Variants in POF1B observed in about 807,000 individuals in gnomAD.
POF1B encodes protein POF1B.
A neutral mutation model predicts 55.3 loss-of-function variants in POF1B; 53 were observed. That is an observed-to-expected ratio of 0.96 (90% CI 0.77 to 1.20). The LOEUF (loss-of-function observed/expected upper bound fraction) is 1.20. Among genes scored for constraint, POF1B ranks in the 50% most tolerant of loss-of-function variants. POF1B has a pLI of 0.00. For missense variants in POF1B, 478 were observed against 420.5 expected (o/e 1.14, Z -1.20); for synonymous variants, 188 against 148.3 (o/e 1.27, Z -1.95).
At chrX:85,315,903 T>C (rs778486360) in intron 7 of POF1B, among the ~76,000 whole-genome samples, 169 bp from the exon 8 acceptor site, 8 of 111,433 alleles carry the variant, frequency 7.2e-5, no homozygotes, top group Non-Finnish European at 9.5e-5. Flanking sequence ...TTTTACTTAG[T>C]TTGACTAAAT....
intron 7 of POF1B, 55 bp downstream of exon 7, chrX:85,330,894 T>C (rs763382879): frequency 9.3e-7 from 1 of 1,070,944 alleles, no homozygotes; most frequent in South Asian, 2.8e-5. Flanking sequence ...AGTACTAGAA[T>C]GTTGTAAAAT....
At position 85,351,893 on chromosome X, in the gene POF1B, A is replaced by G. The variant is rs140956134; in HGVS notation, c.439-442T>C. Reference sequence around the variant, plus strand: ...AGCACGACTAGGCCACAAAGTAGGTAGAACTATATTAAAGATTTTTTTTTT... The same window carrying G: ...AGCACGACTAGGCCACAAAGTAGGTGGAACTATATTAAAGATTTTTTTTTT... On this transcript the variant is annotated intron_variant, in intron 4 of 16. Coordinates refer to ENST00000262753, the MANE Select transcript of POF1B (RefSeq NM_024921.4). Among the ~76,000 whole-genome samples, 698 of 106,776 alleles carry G rather than the reference A, an allele frequency of 6.5e-3. 2 individuals carry two copies. Among genetic ancestry groups the G allele is most frequent in the Middle Eastern group, 0.019 (4 of 211 alleles). The allele number at this position is 106,776 out of a possible 115,157, so 92.7% of individuals were successfully genotyped here.
intron 6 of POF1B, among the ~76,000 whole-genome samples, chrX:85,338,850 G>A (rs1374135486): frequency 9.0e-6 from 1 of 111,600 alleles, no homozygotes; most frequent in Non-Finnish European, 1.9e-5. Context: ...TGATAGATGA[G>A]AGAAAGTGAA....
At chrX:85,361,247 A>G (rs968320064) in intron 3 of POF1B, among the ~76,000 whole-genome samples, 8 of 111,297 alleles carry the variant, frequency 7.2e-5, no homozygotes, top group South Asian at 7.5e-4. Context: ...TTATTTGTCA[A>G]TTTTGCTTTT....
chrX:85,330,982 C>G lies in POF1B; in HGVS notation c.821G>C (p.Cys274Ser). 8.3e-7 allele frequency: 1 copy of G among 1,199,439 alleles called. No individual in the cohort carries two copies. Among genetic ancestry groups the G allele is most frequent in the Non-Finnish European group, 1.1e-6 (1 of 889,552 alleles). The change falls in exon 7 of 17, where the codon TGC becomes TCC. Residue 274 changes from cysteine (C) to serine (S), a missense_variant. By Grantham distance (112) the Cys-to-Ser change is moderately radical (BLOSUM62 -1). Transcript: ENST00000262753. ...AATTCTCTGCAAATGTTCTAATAAG[C>G]AGTGATATAGATCCGTATTCTTACG... ...LSRKNTDLYH[C>S]LLEHLQRIGG...
intron 5 of POF1B, among the ~76,000 whole-genome samples, chrX:85,348,750 T>C (rs1216472044): frequency 9.0e-6 from 1 of 111,576 alleles, no homozygotes; most frequent in African/African-American, 3.2e-5. Flanking sequence ...TAACAGTAAA[T>C]AGCAGCAGTA....
chrX:85,314,383 G>T, intron 9 of POF1B, 49 bp downstream of exon 9: 3 of 972,507 alleles, frequency 3.1e-6, no homozygotes, highest in Admixed American at 3.1e-5. Flanking sequence ...AACCTAGGAA[G>T]CTGTTTGTTA....
chrX:85,289,319 T>C (rs1932128657), intron 15 of POF1B, among the ~76,000 whole-genome samples: 2 of 111,709 alleles, frequency 1.8e-5, no homozygotes, highest in African/African-American at 6.5e-5. Context: ...AAAAAGTTGC[T>C]CTGGTCCAGG....
rs199714286 is a variant in POF1B at position 85,314,533 on chromosome X, G to A, written c.883-27C>T. 58 of 1,072,540 alleles carry A rather than the reference G, an allele frequency of 5.4e-5. 1 individual carries two copies. Among genetic ancestry groups the A allele is most frequent in the Non-Finnish European group, 1.1e-5 (9 of 794,198 alleles). The allele number at this position is 1,072,540 out of a possible 1,213,427, so 88.4% of individuals were successfully genotyped here. On this transcript the variant is annotated intron_variant, in intron 8 of 16. Coordinates refer to ENST00000262753, the MANE Select transcript of POF1B (RefSeq NM_024921.4). Reference sequence around the variant, plus strand: ...TGTAAGAAAAAAAGGCTTATCCATGGAACAGATACATATCAATCTTAAGAT... The same window carrying A: ...TGTAAGAAAAAAAGGCTTATCCATGAAACAGATACATATCAATCTTAAGAT...
intron 4 of POF1B, among the ~76,000 whole-genome samples, chrX:85,352,021 G>A (rs1021335037): frequency 2.7e-5 from 3 of 110,667 alleles, no homozygotes; most frequent in Non-Finnish European, 5.7e-5. Context: ...ATTAAGAGCA[G>A]AGTAGAGGCT....
intron 15 of POF1B, among the ~76,000 whole-genome samples, chrX:85,285,486 T>C (rs1932029013): frequency 9.1e-6 from 1 of 109,885 alleles, no homozygotes. Context: ...AAAGGATGAG[T>C]TCACGTCCTT....
intron 3 of POF1B, among the ~76,000 whole-genome samples, chrX:85,365,863 C>T (rs1304294941): frequency 9.0e-6 from 1 of 111,159 alleles, no homozygotes; most frequent in Non-Finnish European, 1.9e-5. Flanking sequence ...TACAGGTCAG[C>T]AGTCACTCAG....
chrX:85,347,451 C>T (rs1255571595), intron 5 of POF1B, among the ~76,000 whole-genome samples: 2 of 111,032 alleles, frequency 1.8e-5, no homozygotes, highest in African/African-American at 6.5e-5. Context: ...CATTTACAAA[C>T]ATATATAACT....
At chrX:85,314,737 A>G (rs183007149) in intron 8 of POF1B, among the ~76,000 whole-genome samples, 3 of 112,088 alleles carry the variant, frequency 2.7e-5, no homozygotes, top group East Asian at 5.6e-4. Flanking sequence ...CATTTTAGGG[A>G]AAACCTTTGG....
intron 4 of POF1B, among the ~76,000 whole-genome samples, chrX:85,356,474 G>GA (rs760278053): frequency 1.8e-5 from 2 of 108,172 alleles, no homozygotes; most frequent in African/African-American, 6.7e-5. Flanking sequence ...GAAAAAAAAA[G>GA]AAAAAAGATT....
intron 9 of POF1B, among the ~76,000 whole-genome samples, chrX:85,313,042 C>T (rs1432304599): frequency 8.9e-6 from 1 of 111,953 alleles, no homozygotes; most frequent in African/African-American, 3.2e-5. Context: ...TGAGACTTTG[C>T]TGAAGTTGCT....
chrX:85,369,218 T>C (rs774169326), intron 2 of POF1B, among the ~76,000 whole-genome samples: 36 of 111,435 alleles, frequency 3.2e-4, no homozygotes, highest in Non-Finnish European at 6.2e-4. Context: ...CTCAGACAAA[T>C]GCAGAGAATT....
intron 6 of POF1B, among the ~76,000 whole-genome samples, chrX:85,333,956 G>C (rs111926540): frequency 2.8e-5 from 3 of 107,392 alleles, no homozygotes; most frequent in Non-Finnish European, 3.9e-5. Flanking sequence ...AAATTTGGGA[G>C]GGGGGAGGGC....
At chrX:85,360,122 A>G (rs905096518) in intron 3 of POF1B, among the ~76,000 whole-genome samples, 6 of 109,539 alleles carry the variant, frequency 5.5e-5, no homozygotes, top group Non-Finnish European at 1.1e-4. Flanking sequence ...TGGGGGGTTC[A>G]TGTAGATTTA....
Sources: allele counts gnomAD v4.1 joint callset (sites outside exome capture counted in the v4.1 genomes callset), GRCh38; gene constraint gnomAD v4.1.1; transcripts MANE v1.5; gene names NCBI Gene and HGNC (gene_info 2026-07-23, HGNC 2026-07-21).